The following DDX10 variants were observed in gnomAD, a reference collection of about 807,000 sequenced individuals.
The protein encoded by DDX10 is DEAD-box helicase 10, also known as probable ATP-dependent RNA helicase DDX10.
In DDX10, 74 loss-of-function variants were observed where a neutral mutation model predicts 104.3. The ratio of observed to expected loss-of-function variants is 0.71; its 90% CI spans 0.59 to 0.86. The LOEUF is 0.86. Among genes scored for constraint, DDX10 ranks in the 40% least tolerant of loss-of-function variants. The probability of loss-of-function intolerance (pLI) is 0.00; values close to 1 mark genes in which losing one functional copy is unlikely to be tolerated. For missense variants in DDX10, 952 were observed against 1,040.0 expected (o/e 0.92, Z 1.16); for synonymous variants, 351 against 353.4 (o/e 0.99, Z 0.08).
chr11:108,687,918 G>T (rs533973526), intron 6 of DDX10, among the ~76,000 whole-genome samples: 1 of 152,246 alleles, frequency 6.6e-6, no homozygotes, highest in South Asian at 2.1e-4. Context: ...ACATGGGTGG[G>T]CATGTATATG....
At chr11:108,789,083 T>C (rs1861834832) in intron 13 of DDX10, among the ~76,000 whole-genome samples, 3 of 152,214 alleles carry the variant, frequency 2.0e-5, no homozygotes, top group Non-Finnish European at 2.9e-5. Context: ...GGTTAGATTT[T>C]GATGTGACAA....
intron 13 of DDX10, among the ~76,000 whole-genome samples, chr11:108,765,105 C>T (rs564532829): frequency 6.6e-6 from 1 of 152,072 alleles, no homozygotes; most frequent in African/African-American, 2.4e-5. Context: ...TCTTTATAGA[C>T]CTGAAAGAGA....
intron 13 of DDX10, among the ~76,000 whole-genome samples, chr11:108,728,569 C>T (rs2134481812): frequency 7.2e-6 from 1 of 138,840 alleles, no homozygotes; most frequent in Middle Eastern, 4.1e-3. Context: ...GGCTAGAAGG[C>T]AGTGGCATGA....
intron 13 of DDX10, among the ~76,000 whole-genome samples, chr11:108,774,266 T>C (rs977323002): frequency 3.3e-5 from 5 of 152,270 alleles, no homozygotes; most frequent in African/African-American, 7.2e-5. Flanking sequence ...GTGACTAGGC[T>C]GGCATCTTGT....
chr11:108,689,203 G>A lies in DDX10; in HGVS notation c.975+141G>A, dbSNP rs185546751. 25 of 835,862 alleles carry A rather than the reference G, an allele frequency of 3.0e-5. No individual in the cohort carries two copies. In the African/African-American group the frequency reaches 3.6e-4, roughly 12 times the overall value. The allele number at this position is 835,862 out of a possible 1,614,324, so 51.8% of individuals were successfully genotyped here. A position where few individuals can be genotyped will look rare whatever the true frequency, so the allele number is the denominator to read the frequency against. Reference sequence around the variant, plus strand: ...GATCTTTCGTGTCCTTGTTGCAAAGGAATCCGTGGCTGAGACTTTCAACTC... The same window carrying A: ...GATCTTTCGTGTCCTTGTTGCAAAGAAATCCGTGGCTGAGACTTTCAACTC... On this transcript the variant is annotated intron_variant, in intron 7 of 17. Coordinates refer to ENST00000322536, the MANE Select transcript of DDX10 (RefSeq NM_004398.4).
chr11:108,898,350 G>T (rs145556079), intron 16 of DDX10, among the ~76,000 whole-genome samples: 364 of 152,216 alleles, frequency 2.4e-3, no homozygotes, highest in African/African-American at 8.2e-3. Flanking sequence ...TGCTTAATAT[G>T]TTACATGTCT....
chr11:108,902,742 A>T lies in DDX10; in HGVS notation c.2305-15131A>T, dbSNP rs574162643. Among the ~76,000 whole-genome samples, 15 of 152,182 alleles carry T rather than the reference A, an allele frequency of 9.9e-5. No homozygotes were observed. The South Asian group carries it at 3.1e-3, about 32-fold the overall frequency. On this transcript the variant is annotated intron_variant, in intron 16 of 17. Coordinates refer to ENST00000322536, the MANE Select transcript of DDX10 (RefSeq NM_004398.4). ...CTTGAGTTTTTTAGCTGATGTTAAG[A>T]TGCTATCTCTTCTTCCTTTCCTTTC...
At chr11:108,912,263 C>T (rs1435251174) in intron 16 of DDX10, among the ~76,000 whole-genome samples, 2 of 152,040 alleles carry the variant, frequency 1.3e-5, no homozygotes, top group Non-Finnish European at 2.9e-5. Flanking sequence ...TTCATGAGGG[C>T]TCCACCCTGA....
At chr11:108,831,145 C>T (rs1002237228) in intron 13 of DDX10, among the ~76,000 whole-genome samples, 2 of 152,156 alleles carry the variant, frequency 1.3e-5, no homozygotes, top group Non-Finnish European at 2.9e-5. Flanking sequence ...GTGGCTTACG[C>T]CTGTAATCCC....
chr11:108,804,351 T>A (rs1350725752), intron 13 of DDX10, among the ~76,000 whole-genome samples: 4 of 151,598 alleles, frequency 2.6e-5, no homozygotes, highest in South Asian at 4.2e-4. Flanking sequence ...ATAAAAAAAA[T>A]TTGCCAGGTA....
At chr11:108,785,379 G>A (rs1419587591) in intron 13 of DDX10, among the ~76,000 whole-genome samples, 1 of 151,514 alleles carries the variant, frequency 6.6e-6, no homozygotes, top group Non-Finnish European at 1.5e-5. Flanking sequence ...ATATTGGCCC[G>A]AAGCTTTTTT....
At chr11:108,781,020 T>C (rs1175441317) in intron 13 of DDX10, among the ~76,000 whole-genome samples, 1 of 152,182 alleles carries the variant, frequency 6.6e-6, no homozygotes, top group Non-Finnish European at 1.5e-5. Context: ...GTAGTGAGCA[T>C]AGTACCCAAG....
At chr11:108,936,314 A>G (rs1864037042) in intron 17 of DDX10, among the ~76,000 whole-genome samples, 1 of 152,224 alleles carries the variant, frequency 6.6e-6, no homozygotes, top group African/African-American at 2.4e-5. Context: ...AAAGACTGTT[A>G]TCTCTGAATT....
intron 17 of DDX10, chr11:108,919,633 G>T (rs1591125790): frequency 6.6e-6 from 1 of 152,112 alleles, no homozygotes; most frequent in South Asian, 2.1e-4. Flanking sequence ...ACATTAATTG[G>T]TTCTTGCATT....
chr11:108,937,159 C>T (rs768494971), intron 17 of DDX10, among the ~76,000 whole-genome samples: 4 of 152,088 alleles, frequency 2.6e-5, no homozygotes, highest in East Asian at 1.9e-4. Flanking sequence ...CAGCAAACAC[C>T]GTGGAAATGC....
intron 13 of DDX10, among the ~76,000 whole-genome samples, chr11:108,754,427 A>T (rs1425906164): frequency 6.6e-6 from 1 of 152,068 alleles, no homozygotes; most frequent in Non-Finnish European, 1.5e-5. Flanking sequence ...AGGTGGAATG[A>T]GGTTAATCCA....
At chr11:108,828,975 CTTT>C (rs1414865381) in intron 13 of DDX10, among the ~76,000 whole-genome samples, 4 of 152,190 alleles carry the variant, frequency 2.6e-5, no homozygotes, top group African/African-American at 9.6e-5. Flanking sequence ...ATCCACATTT[CTTT>C]ATCCACTCAT....
intron 13 of DDX10, among the ~76,000 whole-genome samples, chr11:108,734,887 A>G (rs1028676713): frequency 1.3e-5 from 2 of 152,200 alleles, no homozygotes; most frequent in African/African-American, 2.4e-5. Flanking sequence ...TCTAACAAAT[A>G]TAATTGTACA....
At chr11:108,686,827 C>G (rs2094244842) in intron 6 of DDX10, among the ~76,000 whole-genome samples, 1 of 152,192 alleles carries the variant, frequency 6.6e-6, no homozygotes, top group Non-Finnish European at 1.5e-5. Context: ...CTCTGTCGCC[C>G]AGGCTGGAGT....
Sources: gnomAD v4.1 joint callset for allele counts (sites outside exome capture counted in the v4.1 genomes callset) on GRCh38, gnomAD v4.1.1 for gene constraint, MANE v1.5 for transcripts, NCBI Gene and HGNC (gene_info 2026-07-23, HGNC 2026-07-21) for gene names.